TFDP2: variants seen among roughly 807,000 people sequenced by gnomAD.
TFDP2 encodes the protein transcription factor Dp-2.
Under a neutral mutation model 59.3 loss-of-function variants are expected in TFDP2, and 17 were observed. That is an observed-to-expected ratio of 0.29 (90% CI 0.20 to 0.43). The LOEUF (loss-of-function observed/expected upper bound fraction) is 0.43, where lower values mean the gene tolerates loss of function less well. Among genes scored for constraint, TFDP2 ranks in the 20% least tolerant of loss-of-function variants. The pLI is 1.00. For synonymous variants in TFDP2, 180 were observed against 194.7 expected, an observed-to-expected ratio of 0.92 and a Z score of 0.63; for missense variants, 391 against 528.8, an observed-to-expected ratio of 0.74 and a Z score of 2.56.
chr3:142,045,154 CT>C (rs566115352), intron 3 of TFDP2, among the ~76,000 whole-genome samples: 280 of 137,724 alleles, frequency 2.0e-3, no homozygotes, highest in Middle Eastern at 3.9e-3. Flanking sequence ...AATCTCTTTC[CT>C]TTTTTTTTTT....
intron 3 of TFDP2, chr3:142,028,687 GAAAAGCTCAA>G (rs1213262863): frequency 3.0e-6 from 3 of 985,190 alleles, no homozygotes. Context: ...ATCGAGCTCA[GAAAAGCTCAA>G]TTTAAAATAC....
rs138433779 is a variant in TFDP2 at position 141,958,535 on chromosome 3, G to A, written c.1051+1139C>T. On this transcript the variant is annotated intron_variant, in intron 11 of 12. Coordinates refer to ENST00000489671, the MANE Select transcript of TFDP2 (RefSeq NM_001178139.2). Reference sequence around the variant, plus strand: ...GAAATGTAAGAGAATGGTTATATTTGAGGGGTGGGAAAGGGCACAGAGCCT... The same window carrying A: ...GAAATGTAAGAGAATGGTTATATTTAAGGGGTGGGAAAGGGCACAGAGCCT... 1.2e-3 allele frequency among the ~76,000 whole-genome samples: 187 copies of A among 152,280 alleles called. 2 individuals carry two copies. Among genetic ancestry groups the A allele is most frequent in the African/African-American group, 4.2e-3 (173 of 41,562 alleles).
intron 1 of TFDP2, among the ~76,000 whole-genome samples, chr3:142,139,028 G>A (rs1052531036): frequency 1.3e-5 from 2 of 152,148 alleles, no homozygotes; most frequent in East Asian, 1.9e-4. Context: ...CTAAGGACTT[G>A]CTTTATGAAT....
chr3:142,017,072 C>A (rs1273689982), intron 3 of TFDP2, among the ~76,000 whole-genome samples: 2 of 152,182 alleles, frequency 1.3e-5, no homozygotes, highest in African/African-American at 4.8e-5. Flanking sequence ...ACGTCTTATT[C>A]CCGTTTCCTT....
chr3:142,147,974 A>G (rs2063231413), intron 1 of TFDP2, among the ~76,000 whole-genome samples: 1 of 152,192 alleles, frequency 6.6e-6, no homozygotes, highest in Non-Finnish European at 1.5e-5. Flanking sequence ...AACTATTTTT[A>G]TATCTACTTT....
At chr3:142,038,679 A>G (rs972034407) in intron 3 of TFDP2, among the ~76,000 whole-genome samples, 18 of 152,222 alleles carry the variant, frequency 1.2e-4, no homozygotes, top group Admixed American at 1.1e-3. Context: ...TCAATCATCC[A>G]AAAATTACAA....
chr3:142,148,185 G>C (rs1188439049), intron 1 of TFDP2, among the ~76,000 whole-genome samples: 1 of 151,776 alleles, frequency 6.6e-6, no homozygotes, highest in Non-Finnish European at 1.5e-5. Flanking sequence ...CGGGGAGACA[G>C]GGGAAGGAGA....
At chr3:142,017,457 A>T (rs1042225319) in intron 3 of TFDP2, among the ~76,000 whole-genome samples, 19 of 151,958 alleles carry the variant, frequency 1.3e-4, no homozygotes, top group African/African-American at 3.4e-4. Flanking sequence ...CCACCAAAAT[A>T]TTCCCTTCCT....
At chr3:142,062,498 C>T (rs954481305) in intron 3 of TFDP2, among the ~76,000 whole-genome samples, 3 of 151,440 alleles carry the variant, frequency 2.0e-5, no homozygotes, top group Non-Finnish European at 4.4e-5. Flanking sequence ...CTGACTAATG[C>T]ACATTAGGTA....
intron 2 of TFDP2, among the ~76,000 whole-genome samples, chr3:142,094,807 G>A (rs1439826551): frequency 6.6e-6 from 1 of 152,084 alleles, no homozygotes; most frequent in Non-Finnish European, 1.5e-5. Flanking sequence ...TATGTGTGTT[G>A]CGAAGATTCA....
At chr3:142,127,152 C>T (rs556862618) in intron 1 of TFDP2, among the ~76,000 whole-genome samples, 42 of 147,774 alleles carry the variant, frequency 2.8e-4, no homozygotes, top group Non-Finnish European at 5.5e-4. Context: ...ATATATGTAT[C>T]TATAAGATAT....
intron 3 of TFDP2, among the ~76,000 whole-genome samples, chr3:142,080,112 C>G (rs369228593): frequency 6.6e-6 from 1 of 152,080 alleles, no homozygotes; most frequent in African/African-American, 2.4e-5. Context: ...TACAGATGCA[C>G]GCTACCATGC....
At chr3:142,097,951 C>T (rs996275669) in intron 2 of TFDP2, among the ~76,000 whole-genome samples, 5 of 152,072 alleles carry the variant, frequency 3.3e-5, no homozygotes, top group Non-Finnish European at 5.9e-5. Context: ...TGCCACCACA[C>T]CCAGCTAATT....
At chr3:141,958,181 A>G (rs1268464738) in intron 11 of TFDP2, among the ~76,000 whole-genome samples, 1 of 152,214 alleles carries the variant, frequency 6.6e-6, no homozygotes, top group East Asian at 1.9e-4. Flanking sequence ...ACTGGGATAC[A>G]TGTATAGGAA....
chr3:142,097,023 T>A (rs763568617), intron 2 of TFDP2, among the ~76,000 whole-genome samples: 3 of 152,218 alleles, frequency 2.0e-5, no homozygotes, highest in Non-Finnish European at 2.9e-5. Context: ...ACAGACCATA[T>A]GCAAAAGAGA....
chr3:142,032,545 G>C (rs181237304), intron 3 of TFDP2, among the ~76,000 whole-genome samples: 1 of 152,206 alleles, frequency 6.6e-6, no homozygotes, highest in East Asian at 1.9e-4. Flanking sequence ...TCTAGCCCTG[G>C]CTTTTTCTGT....
At position 141,981,378 on chromosome 3, in the gene TFDP2, G is replaced by T. The variant is rs150973226; in HGVS notation, c.357-2696C>A. Among the ~76,000 whole-genome samples, 57 of 152,268 alleles carry T rather than the reference G, an allele frequency of 3.7e-4. No homozygotes were observed. The East Asian group carries it at 7.7e-3, about 21-fold the overall frequency. ...CACAACGATGAAATCGCCTAATGAA[G>T]CCTTTCTCAGAACATAGCCCCTCAT... On this transcript the variant is annotated intron_variant, in intron 6 of 12. Coordinates refer to ENST00000489671, the MANE Select transcript of TFDP2 (RefSeq NM_001178139.2).
At chr3:142,145,703 C>T (rs917812780) in intron 1 of TFDP2, 6 of 140,146 alleles carry the variant, frequency 4.3e-5, no homozygotes, top group Non-Finnish European at 1.6e-5. Flanking sequence ...CAGAGAGAGA[C>T]TCTGTCTCTA....
intron 3 of TFDP2, among the ~76,000 whole-genome samples, chr3:142,011,946 T>C (rs559258178): frequency 7.2e-4 from 110 of 152,276 alleles, no homozygotes; most frequent in African/African-American, 2.5e-3. Flanking sequence ...AAACTGACCC[T>C]TGTTAGAATA....
Sources: allele counts gnomAD v4.1 joint callset (sites outside exome capture counted in the v4.1 genomes callset), GRCh38; gene constraint gnomAD v4.1.1; transcripts MANE v1.5; gene names NCBI Gene and HGNC (gene_info 2026-07-23, HGNC 2026-07-21).